Variants in MRPS18B observed in about 807,000 individuals in gnomAD.
MRPS18B encodes small ribosomal subunit protein mS40.
MRPS18B carries 27 observed loss-of-function variants against 28.4 expected under a neutral mutation model. The ratio of observed to expected loss-of-function variants is 0.95; its 90% confidence interval spans 0.70 to 1.31. The LOEUF is 1.31. MRPS18B is among the 40% of genes most tolerant of loss of function. The probability of loss-of-function intolerance (pLI) is 0.00; values close to 1 mark genes in which losing one functional copy is unlikely to be tolerated. For synonymous variants in MRPS18B, 118 were observed against 123.7 expected (o/e 0.95, Z 0.30); for missense variants, 343 against 335.9 (o/e 1.02, Z -0.17).
intron 5 of MRPS18B, 25 bp from the exon 6 acceptor site, chr6:30,624,858 G>A: frequency 6.2e-7 from 1 of 1,611,882 alleles, no homozygotes; most frequent in African/African-American, 1.3e-5. Flanking sequence ...GTGCCTTAAA[G>A]AACAAGATAT....
chr6:30,619,920 G>A lies in MRPS18B; in HGVS notation c.286-1G>A, dbSNP rs753553103. The A allele has an allele frequency of 6.2e-7, 1 of 1,614,142 alleles. No homozygotes were observed. The highest frequency in any genetic ancestry group is 8.5e-7 in the Non-Finnish European group (1 of 1,180,000). On this transcript the variant is annotated splice_acceptor_variant, in intron 3 of 6. Transcript: ENST00000259873. LOFTEE classifies it high-confidence loss of function. The stretch of plus-strand genomic sequence containing the variant: ...AACTGCTGTTTTTTTTCTCTCTACA[G>A]CGTCGGAATAAAGTTGTTGGGAATC...
Position 30,625,065 on chromosome 6 carries a change from A to G in MRPS18B, c.481+123A>G, listed in dbSNP as rs535405113. The stretch of plus-strand genomic sequence containing the variant: ...GGTAGCACCCAGCATGTTCTTCCTG[A>G]CGTTACATTGTCCCCTGTCCTTTCT... On this transcript the variant is annotated intron_variant, in intron 6 of 6. Transcript: ENST00000259873. The G allele has an allele frequency of 4.3e-4, 427 of 997,910 alleles. 5 individuals are homozygous for G. In the South Asian group the frequency reaches 5.3e-3, roughly 12 times the overall value. The allele number at this position is 997,910 out of a possible 1,614,324, so 61.8% of individuals were successfully genotyped here.
chr6:30,621,545 G>A (rs1021469264), intron 4 of MRPS18B, among the ~76,000 whole-genome samples: 6 of 152,216 alleles, frequency 3.9e-5, no homozygotes, highest in Non-Finnish European at 8.8e-5. Flanking sequence ...TTGGATAACA[G>A]TCAGAAAATG....
intron 2 of MRPS18B, 26 bp from the exon 3 acceptor site, chr6:30,619,683 A>G (rs1761015555): frequency 1.2e-6 from 2 of 1,612,384 alleles, no homozygotes; most frequent in Non-Finnish European, 1.7e-6. Flanking sequence ...CCACCCAGGA[A>G]TAACTTGTAT....
chr6:30,620,397 C>T (rs1761081277), intron 4 of MRPS18B, among the ~76,000 whole-genome samples: 1 of 152,062 alleles, frequency 6.6e-6, no homozygotes. Flanking sequence ...AAAGAGATTA[C>T]TGTAGGTGCC....
At chr6:30,620,192 C>T in intron 4 of MRPS18B, 1 of 553,490 alleles carries the variant, frequency 1.8e-6, no homozygotes, top group Non-Finnish European at 3.2e-6. Context: ...TGGCGGGCGC[C>T]TGTAGTCCCA....
Position 30,626,010 on chromosome 6 carries a change from G to T in MRPS18B, c.*213G>T. On this transcript the variant is annotated 3_prime_UTR_variant, in exon 7 of 7. Coordinates refer to ENST00000259873, the MANE Select transcript of MRPS18B (RefSeq NM_014046.4). Reference sequence around the variant, plus strand: ...TCAACTATTGGGGAGGCTAAGGTAGGATCACTTGATCCCAGGAGGCGGAGG... The same window carrying T: ...TCAACTATTGGGGAGGCTAAGGTAGTATCACTTGATCCCAGGAGGCGGAGG... The T allele has an allele frequency of 1.9e-6, 1 of 520,784 alleles. No homozygotes were observed. 32.3% of individuals were successfully genotyped at this position (520,784 alleles called of 1,614,324 possible).
At chr6:30,621,656 GATT>G (rs1485107134) in intron 4 of MRPS18B, among the ~76,000 whole-genome samples, 1 of 152,020 alleles carries the variant, frequency 6.6e-6, no homozygotes, top group African/African-American at 2.4e-5. Flanking sequence ...TATAAAAAGA[GATT>G]ATGGCCAGGT....
intron 5 of MRPS18B, among the ~76,000 whole-genome samples, chr6:30,623,268 C>G (rs962618299): frequency 1.1e-4 from 17 of 151,476 alleles, no homozygotes; most frequent in African/African-American, 3.9e-4. Context: ...ACCCAGGAGG[C>G]ACAGGTTGTG....
chr6:30,619,964 A>T lies in MRPS18B; in HGVS notation c.329A>T (p.Asp110Val). The T allele has an allele frequency of 1.9e-6, 3 of 1,614,090 alleles. No individual in the cohort carries two copies. The highest frequency in any genetic ancestry group is 2.5e-6 in the Non-Finnish European group (3 of 1,179,984). Residue 110 changes from aspartate (D) to valine (V), a missense_variant, in exon 4 of 7, where the codon GAT becomes GTT. Asp to Val is a radical substitution (Grantham distance 152). Transcript: ENST00000259873. ...VVGNPCPICR[D>V]HKLHVDFRNV... ...GGGAATCCCTGCCCCATCTGTCGAG[A>T]TCACAAGTTGCATGTTGACTTTAGG...
At chr6:30,624,848 G>A (rs779622694) in intron 5 of MRPS18B, 35 bp from the exon 6 acceptor site, 3 of 1,609,306 alleles carry the variant, frequency 1.9e-6, no homozygotes, top group East Asian at 4.5e-5. Context: ...ATTATTTACT[G>A]TGCCTTAAAG....
In MRPS18B at chr6:30,625,709, C is replaced by T; in HGVS notation, c.689C>T (p.Pro230Leu). 1.2e-6 allele frequency: 2 copies of T among 1,613,072 alleles called. No individual in the cohort carries two copies. The highest frequency in any genetic ancestry group is 1.7e-6 in the Non-Finnish European group (2 of 1,180,026). ...YQGHLQEESG[P>L]PPESMPKMPP... ...GGTCATCTCCAAGAAGAGAGTGGCC[C>T]CCCACCTGAGTCAATGCCCAAGATG... Residue 230 changes from proline to leucine, a missense_variant, in exon 7 of 7, where the codon CCC becomes CTC. Coordinates refer to ENST00000259873, the MANE Select transcript of MRPS18B (RefSeq NM_014046.4).
intron 4 of MRPS18B, among the ~76,000 whole-genome samples, chr6:30,621,547 C>T (rs1478275721): frequency 2.0e-5 from 3 of 152,190 alleles, no homozygotes; most frequent in African/African-American, 4.8e-5. Flanking sequence ...GGATAACAGT[C>T]AGAAAATGGG....
Position 30,619,479 on chromosome 6 carries a change from C to T in MRPS18B, c.79-14C>T, listed in dbSNP as rs1379650865. On this transcript the variant is annotated splice_polypyrimidine_tract_variant and intron_variant, in intron 1 of 6. Transcript: ENST00000259873. ...CTTAAACTCATTCTTTTATTTTTTT[C>T]TTCTCCTTTGTAGGTTCCCCTCCAG... 6.9e-6 allele frequency: 11 copies of T among 1,594,628 alleles called. No homozygotes were observed. Among genetic ancestry groups the T allele is most frequent in the South Asian group, 5.6e-5 (5 of 89,406 alleles).
In MRPS18B at chr6:30,626,010, G is replaced by A. The variant is rs2127471827; in HGVS notation, c.*213G>A. On this transcript the variant is annotated 3_prime_UTR_variant, in exon 7 of 7. Transcript: ENST00000259873. ...TCAACTATTGGGGAGGCTAAGGTAGGATCACTTGATCCCAGGAGGCGGAGG... is the reference window on the plus strand; with the variant it reads ...TCAACTATTGGGGAGGCTAAGGTAGAATCACTTGATCCCAGGAGGCGGAGG... 1.9e-6 allele frequency: 1 copy of A among 520,784 alleles called. No homozygotes were observed. Among genetic ancestry groups the A allele is most frequent in the South Asian group, 3.1e-5 (1 of 32,254 alleles). 32.3% of individuals were successfully genotyped at this position (520,784 alleles called of 1,614,324 possible).
chr6:30,623,007 G>T, intron 5 of MRPS18B, 109 bp downstream of exon 5: 1 of 1,124,480 alleles, frequency 8.9e-7, no homozygotes. Flanking sequence ...TAGCCTAAAA[G>T]GTCTGGCTGA....
In MRPS18B at chr6:30,620,006, C is replaced by G. The variant is rs13212442; in HGVS notation, c.354+17C>G. ...GACTTTAGGGTAAGGAGAGTCTTTT[C>G]TTTTTAGGGTAAGAAAAATAAAGAT... On this transcript the variant is annotated intron_variant, in intron 4 of 6. Transcript: ENST00000259873. 3.1e-6 allele frequency: 5 copies of G among 1,611,550 alleles called. No homozygotes were observed. Among genetic ancestry groups the G allele is most frequent in the South Asian group, 1.1e-5 (1 of 91,024 alleles).
At position 30,625,770 on chromosome 6, in the gene MRPS18B, G is replaced by A. The variant is rs1018914324; in HGVS notation, c.750G>A (p.Gly250=). The A allele has an allele frequency of 1.2e-6, 2 of 1,612,406 alleles. No homozygotes were observed. Among genetic ancestry groups the A allele is most frequent in the Non-Finnish European group, 1.7e-6 (2 of 1,179,490 alleles). ...CACCAGCGGAAGCCTCCTCCACTGG[G>A]CAGACAGGCCCTCAGAGTGCTCTGT... is the stretch of plus-strand genomic sequence containing the variant. ...PRTPAEASST[G]QTGPQSAL The change falls in exon 7 of 7, where the codon GGG becomes GGA. Residue 250 remains glycine, a synonymous_variant. Coordinates refer to ENST00000259873, the MANE Select transcript of MRPS18B (RefSeq NM_014046.4).
rs191877808 is a variant in MRPS18B, at chr6:30,623,140, G to A, written c.421+242G>A. On this transcript the variant is annotated intron_variant, in intron 5 of 6. Transcript: ENST00000259873. ...TCCCAGCACTTTGGGAGGCCGAGGC[G>A]GCTGGATCACCTGAGGTTGGGAGTT... Among the ~76,000 whole-genome samples, 206 of 152,162 alleles carry A rather than the reference G, an allele frequency of 1.4e-3. 7 individuals carry two copies. Among genetic ancestry groups the A allele is most frequent in the Admixed American group, 0.011 (172 of 15,274 alleles).
Sources: allele counts gnomAD v4.1 joint callset (sites outside exome capture counted in the v4.1 genomes callset), GRCh38; gene constraint gnomAD v4.1.1; transcripts MANE v1.5; gene names NCBI Gene and HGNC (gene_info 2026-07-23, HGNC 2026-07-21).